Variants in CASK observed in about 807,000 individuals in gnomAD.
CASK encodes the protein calcium/calmodulin dependent serine protein kinase.
In CASK, 4 loss-of-function variants were observed where a neutral mutation model predicts 82.9. The ratio of observed to expected loss-of-function variants is 0.05; its 90% CI spans 0.02 to 0.11. CASK has a LOEUF of 0.11. CASK is among the 10% of genes least tolerant of loss of function. The pLI is 1.00. For missense variants in CASK, 358 were observed against 720.9 expected (o/e 0.50, Z 5.76); for synonymous variants, 259 against 253.5 (o/e 1.02, Z -0.20).
chrX:41,800,980 T>C (rs2069985850), intron 2 of CASK, among the ~76,000 whole-genome samples: 1 of 110,585 alleles, frequency 9.0e-6, no homozygotes, highest in Non-Finnish European at 1.9e-5. Flanking sequence ...ACATCAGAGG[T>C]TGCACTGAAC....
intron 5 of CASK, among the ~76,000 whole-genome samples, chrX:41,705,576 T>A (rs1206275575): frequency 9.0e-6 from 1 of 110,603 alleles, no homozygotes; most frequent in Non-Finnish European, 1.9e-5. Context: ...GAGATGTTAA[T>A]ACATATCTGA....
intron 14 of CASK, among the ~76,000 whole-genome samples, chrX:41,582,722 C>T (rs1324962392): frequency 8.9e-6 from 1 of 111,923 alleles, no homozygotes; most frequent in Non-Finnish European, 1.9e-5. Context: ...CCACAAAGGA[C>T]TTCTGCTCCT....
At position 41,902,015 on chromosome X, in the gene CASK, C is replaced by T. The variant is rs1002978211; in HGVS notation, c.59+20915G>A. On this transcript the variant is annotated intron_variant, in intron 1 of 26. Coordinates refer to ENST00000378163, the MANE Select transcript of CASK (RefSeq NM_001367721.1). ...GACAACCAGGGATGATCCTGGAGCC[C>T]GGATCCGCCAGGGTGAGTCTGGAGG... 8.1e-5 allele frequency among the ~76,000 whole-genome samples: 9 copies of T among 110,761 alleles called. No individual in the cohort carries two copies. In the East Asian group the frequency reaches 1.7e-3, roughly 21 times the overall value.
At chrX:41,709,739 C>A (rs1356120467) in intron 5 of CASK, among the ~76,000 whole-genome samples, 3 of 111,288 alleles carry the variant, frequency 2.7e-5, no homozygotes, top group African/African-American at 9.8e-5. Flanking sequence ...CTCAGAGAAA[C>A]CTGTGACTTT....
intron 3 of CASK, among the ~76,000 whole-genome samples, chrX:41,751,278 A>G: frequency 9.0e-6 from 1 of 110,817 alleles, no homozygotes; most frequent in Non-Finnish European, 1.9e-5. Flanking sequence ...TTGTAGGGAC[A>G]GGATCTGGCT....
rs188837296 is a variant in CASK, at chrX:41,784,988, C to T, written c.278+2190G>A. On this transcript the variant is annotated intron_variant, in intron 3 of 26. Transcript: ENST00000378163. Reference sequence around the variant, plus strand: ...TAAAAAATATGTGAAGGGGTACATACGTTTTTCAAAATTCTTTTTTTTTTT... The same window carrying T: ...TAAAAAATATGTGAAGGGGTACATATGTTTTTCAAAATTCTTTTTTTTTTT... Among the ~76,000 whole-genome samples the T allele has an allele frequency of 1.5e-3, 154 of 104,962 alleles. 5 individuals are homozygous for T. The East Asian group carries it at 0.024, about 16-fold the overall frequency. The allele number at this position is 104,962 out of a possible 115,157, so 91.1% of individuals were successfully genotyped here. A position where few individuals can be genotyped will look rare whatever the true frequency, so the allele number is the denominator to read the frequency against.
intron 8 of CASK, chrX:41,660,205 TTC>T (rs2067011182): frequency 2.3e-6 from 1 of 436,676 alleles, no homozygotes; most frequent in South Asian, 3.6e-5. Flanking sequence ...CCCTGATATA[TTC>T]TGTCTTAATC....
chrX:41,649,949 T>C (rs2066834389), intron 8 of CASK, among the ~76,000 whole-genome samples: 1 of 111,741 alleles, frequency 8.9e-6, no homozygotes, highest in Non-Finnish European at 1.9e-5. Context: ...ATTGGGTGCA[T>C]ATATATTTAG....
intron 3 of CASK, among the ~76,000 whole-genome samples, chrX:41,766,639 C>T (rs1454792953): frequency 3.6e-5 from 4 of 112,077 alleles, no homozygotes; most frequent in Non-Finnish European, 7.5e-5. Flanking sequence ...GTAATCCTAG[C>T]ACTTTGGGAG....
At chrX:41,745,723 TCTC>T in intron 3 of CASK, 122 bp from the exon 4 acceptor site, 1 of 530,544 alleles carries the variant, frequency 1.9e-6, no homozygotes, top group Non-Finnish European at 3.3e-6. Context: ...GTTATTTAAA[TCTC>T]CTTTCTTTCA....
intron 3 of CASK, among the ~76,000 whole-genome samples, chrX:41,785,707 T>C (rs943493214): frequency 1.8e-5 from 2 of 112,135 alleles, no homozygotes; most frequent in African/African-American, 6.5e-5. Flanking sequence ...TGAATTTTGA[T>C]GTAGACAGCC....
chrX:41,853,269 A>G (rs770852061), intron 1 of CASK, 42 bp from the exon 2 acceptor site: 12 of 819,455 alleles, frequency 1.5e-5, no homozygotes, highest in Non-Finnish European at 2.2e-5. Context: ...GATTCTCTTA[A>G]GTTCCTATTT....
At chrX:41,912,481 T>C (rs181154063) in intron 1 of CASK, among the ~76,000 whole-genome samples, 1 of 107,904 alleles carries the variant, frequency 9.3e-6, no homozygotes, top group African/African-American at 3.4e-5. Flanking sequence ...CTAATATTTG[T>C]ATTTTTAGTA....
chrX:41,772,336 ACT>A (rs1322729386), intron 3 of CASK, among the ~76,000 whole-genome samples: 1 of 75,530 alleles, frequency 1.3e-5, no homozygotes, highest in Non-Finnish European at 2.5e-5. Flanking sequence ...ACAGAGTGAG[ACT>A]CTGTCTCAAA....
intron 15 of CASK, among the ~76,000 whole-genome samples, chrX:41,575,950 G>T (rs188675484): frequency 1.8e-5 from 2 of 109,831 alleles, no homozygotes; most frequent in Admixed American, 1.9e-4. Flanking sequence ...CTTTTATTCA[G>T]TCTATGTTTC....
intron 2 of CASK, among the ~76,000 whole-genome samples, chrX:41,811,261 C>T (rs947819758): frequency 8.9e-6 from 1 of 112,140 alleles, no homozygotes; most frequent in Non-Finnish European, 1.9e-5. Context: ...CTCTCCACCC[C>T]AAATCAACAG....
chrX:41,790,814 G>A lies in CASK; in HGVS notation c.173-3531C>T, dbSNP rs139786226. ...TATCCATTCCAACTATAGATTCCAC[G>A]AATATTAAACTCAAAATGTTTGTTT... On this transcript the variant is annotated intron_variant, in intron 2 of 26. Coordinates refer to ENST00000378163, the MANE Select transcript of CASK (RefSeq NM_001367721.1). Among the ~76,000 whole-genome samples the A allele has an allele frequency of 9.8e-3, 1,099 of 111,927 alleles. 16 individuals carry two copies. Among genetic ancestry groups the A allele is most frequent in the African/African-American group, 0.034 (1,045 of 30,812 alleles).
chrX:41,648,448 A>G (rs1033699667), intron 8 of CASK, among the ~76,000 whole-genome samples: 6 of 111,041 alleles, frequency 5.4e-5, no homozygotes, highest in Non-Finnish European at 7.5e-5. Context: ...TACCCTGTTA[A>G]GTACTTGATG....
chrX:41,555,731 G>A (rs1340438788), intron 19 of CASK, 96 bp from the exon 20 acceptor site: 3 of 632,006 alleles, frequency 4.7e-6, no homozygotes, highest in Non-Finnish European at 7.9e-6. Context: ...TTAAAAAAAT[G>A]AGCTAGATTT....
Sources: allele counts gnomAD v4.1 joint callset (sites outside exome capture counted in the v4.1 genomes callset), GRCh38; gene constraint gnomAD v4.1.1; transcripts MANE v1.5; gene names NCBI Gene and HGNC (gene_info 2026-07-23, HGNC 2026-07-21).